Variants in CNTN4 observed in about 807,000 individuals in gnomAD.
CNTN4 encodes contactin-4.
A neutral mutation model predicts 122.5 loss-of-function variants in CNTN4; 77 were observed. The ratio of observed to expected loss-of-function variants is 0.63; its 90% CI spans 0.52 to 0.76. CNTN4 has a LOEUF of 0.76. Among genes scored for constraint, CNTN4 ranks in the 30% least tolerant of loss-of-function variants. The pLI is 0.00. For missense variants in CNTN4, 1,256 were observed against 1,259.1 expected, an observed-to-expected ratio of 1.00 and a Z score of 0.04; for synonymous variants, 512 against 447.0, an observed-to-expected ratio of 1.15 and a Z score of -1.83.
intron 12 of CNTN4, among the ~76,000 whole-genome samples, chr3:2,915,716 C>T (rs60851984): frequency 0.42 from 63,212 of 152,000 alleles, 13,450 homozygotes; most frequent in East Asian, 0.64. Flanking sequence ...TTCAAAATAA[C>T]TGAAAACAGC....
At chr3:2,949,240 G>A (rs1057359958) in intron 13 of CNTN4, among the ~76,000 whole-genome samples, 2 of 152,090 alleles carry the variant, frequency 1.3e-5, no homozygotes, top group African/African-American at 4.8e-5. Flanking sequence ...TGTCTTTGCA[G>A]AGAGACCTCA....
At chr3:2,762,783 A>G (rs1369970871) in intron 6 of CNTN4, among the ~76,000 whole-genome samples, 1 of 151,428 alleles carries the variant, frequency 6.6e-6, no homozygotes, top group East Asian at 1.9e-4. Flanking sequence ...ATTAATTTAC[A>G]CTCCCAGCAA....
chr3:2,926,291 C>T (rs929008770), intron 13 of CNTN4, among the ~76,000 whole-genome samples: 2 of 152,094 alleles, frequency 1.3e-5, no homozygotes, highest in Non-Finnish European at 2.9e-5. Context: ...CTTTTTATTT[C>T]AACTACATAT....
chr3:2,749,937 C>T (rs940283397), intron 6 of CNTN4, among the ~76,000 whole-genome samples: 6 of 152,186 alleles, frequency 3.9e-5, no homozygotes, highest in East Asian at 1.9e-4. Flanking sequence ...TTTGACTCCA[C>T]GTATTGTCAT....
chr3:2,886,263 G>A (rs954862915), intron 9 of CNTN4, among the ~76,000 whole-genome samples: 35 of 151,696 alleles, frequency 2.3e-4, no homozygotes, highest in Non-Finnish European at 3.1e-4. Flanking sequence ...TAGGCATGGT[G>A]GCGGGCGCCT....
intron 2 of CNTN4, among the ~76,000 whole-genome samples, chr3:2,106,826 A>G (rs2032490067): frequency 6.6e-6 from 1 of 152,216 alleles, no homozygotes; most frequent in Admixed American, 6.5e-5. Context: ...AAATTTTTCA[A>G]ACCTTTTTGC....
intron 2 of CNTN4, among the ~76,000 whole-genome samples, chr3:2,170,258 T>C (rs931647963): frequency 5.3e-5 from 8 of 152,002 alleles, no homozygotes; most frequent in South Asian, 4.2e-4. Context: ...AGGCGGAGCT[T>C]GCAGTGAGCC....
At chr3:2,760,188 C>G (rs140874586) in intron 6 of CNTN4, among the ~76,000 whole-genome samples, 1 of 152,052 alleles carries the variant, frequency 6.6e-6, no homozygotes, top group African/African-American at 2.4e-5. Flanking sequence ...TTGGTAAAAT[C>G]TAATTTATTT....
At chr3:2,386,330 G>A (rs2046256535) in intron 3 of CNTN4, among the ~76,000 whole-genome samples, 1 of 152,114 alleles carries the variant, frequency 6.6e-6, no homozygotes, top group Non-Finnish European at 1.5e-5. Context: ...AGGTGGTAAA[G>A]TTGCAGTATT....
intron 13 of CNTN4, among the ~76,000 whole-genome samples, chr3:2,950,950 T>C (rs1236658830): frequency 6.6e-6 from 1 of 152,238 alleles, no homozygotes; most frequent in Non-Finnish European, 1.5e-5. Flanking sequence ...TGACACATAA[T>C]GGACATTAAA....
chr3:3,047,663 C>T (rs1332488252), intron 23 of CNTN4, among the ~76,000 whole-genome samples: 1 of 149,136 alleles, frequency 6.7e-6, no homozygotes, highest in Non-Finnish European at 1.5e-5. Context: ...TAAATGCCCA[C>T]AAGAGAAAGC....
At chr3:2,771,307 G>A (rs2091089156) in intron 6 of CNTN4, among the ~76,000 whole-genome samples, 1 of 152,188 alleles carries the variant, frequency 6.6e-6, no homozygotes, top group Non-Finnish European at 1.5e-5. Context: ...TACAACATGG[G>A]AAGGTACTCT....
chr3:3,030,483 A>G (rs1433844445), intron 15 of CNTN4, among the ~76,000 whole-genome samples: 1 of 152,210 alleles, frequency 6.6e-6, no homozygotes, highest in Non-Finnish European at 1.5e-5. Context: ...AGAGTTCTAA[A>G]GTATCCGAAC....
At chr3:2,149,947 A>G (rs1164777639) in intron 2 of CNTN4, among the ~76,000 whole-genome samples, 2 of 146,690 alleles carry the variant, frequency 1.4e-5, no homozygotes, top group Non-Finnish European at 3.0e-5. Flanking sequence ...CAAATTCAAC[A>G]GGGAATGGGG....
rs534751889 is a variant in CNTN4 at position 2,299,431 on chromosome 3, C to T, written c.-144-39747C>T. Among the ~76,000 whole-genome samples the T allele has an allele frequency of 2.7e-4, 41 of 152,040 alleles. No homozygotes were observed. The South Asian group carries it at 4.1e-3, about 15-fold the overall frequency. ...GTGGACCCGTCACCCGAGTAGTGTA[C>T]GTTGTACCTAATATGTAATTTTCTA... is the stretch of plus-strand genomic sequence containing the variant. On this transcript the variant is annotated intron_variant, in intron 2 of 24. Transcript: ENST00000418658.
At chr3:2,537,791 C>T (rs1176168670) in intron 3 of CNTN4, among the ~76,000 whole-genome samples, 2 of 152,062 alleles carry the variant, frequency 1.3e-5, no homozygotes, top group African/African-American at 4.8e-5. Context: ...CCATCATAAA[C>T]ATTTACTTCA....
intron 3 of CNTN4, among the ~76,000 whole-genome samples, chr3:2,508,236 C>T (rs1225400946): frequency 1.3e-5 from 2 of 152,164 alleles, no homozygotes; most frequent in Non-Finnish European, 2.9e-5. Context: ...CATAGATTAT[C>T]ATTCCAGTAG....
chr3:2,145,112 T>G (rs2035183983), intron 2 of CNTN4, among the ~76,000 whole-genome samples: 1 of 152,306 alleles, frequency 6.6e-6, no homozygotes, highest in East Asian at 1.9e-4. Context: ...AAGAGAGTGG[T>G]TTTCAACTTC....
At chr3:2,121,915 C>T (rs1231177905) in intron 2 of CNTN4, among the ~76,000 whole-genome samples, 3 of 152,014 alleles carry the variant, frequency 2.0e-5, no homozygotes, top group Admixed American at 1.3e-4. Flanking sequence ...CCTGTAATCC[C>T]AGCACTTTGG....
Sources: gnomAD v4.1 joint callset for allele counts (sites outside exome capture counted in the v4.1 genomes callset) on GRCh38, gnomAD v4.1.1 for gene constraint, MANE v1.5 for transcripts, NCBI Gene and HGNC (gene_info 2026-07-23, HGNC 2026-07-21) for gene names.